Variants in TRPM3 observed in about 807,000 individuals in gnomAD.
TRPM3 encodes the protein transient receptor potential cation channel subfamily M member 3.
In TRPM3, 77 loss-of-function variants were observed where a neutral mutation model predicts 181.2. The observed-to-expected ratio is 0.42, with a 90% CI of 0.35 to 0.51. The LOEUF is 0.51. Among genes scored for constraint, TRPM3 ranks in the 20% least tolerant of loss-of-function variants. The pLI, the probability that TRPM3 is intolerant of heterozygous loss-of-function variation, is 0.01. For missense variants in TRPM3, 1,759 were observed against 2,196.7 expected, an observed-to-expected ratio of 0.80 and a Z score of 3.98; for synonymous variants, 745 against 796.4, an observed-to-expected ratio of 0.94 and a Z score of 1.09.
At chr9:70,549,726 G>C (rs2046000661) in intron 24 of TRPM3, 52 bp from the exon 25 acceptor site, 1 of 1,545,166 alleles carries the variant, frequency 6.5e-7, no homozygotes, top group South Asian at 1.2e-5. Context: ...AAAAGCGATG[G>C]CATCTGATTT....
At position 70,618,867 on chromosome 9, in the gene TRPM3, C is replaced by T; in HGVS notation, c.2358G>A (p.Lys786=). The stretch of plus-strand genomic sequence containing the variant: ...GGAGGGCCTTATTGGGCGCCCTGAC[C>T]TTGAGGCCTGAGTTCTTGCGCATGC... ...RLRMRKNSGL[K]VILGILLPPS... The change falls in exon 17 of 26, where the codon AAG becomes AAA. Residue 786 remains lysine, a splice_region_variant and synonymous_variant. Transcript: ENST00000677713. 1 of 1,604,480 alleles carries T rather than the reference C, an allele frequency of 6.2e-7. No individual in the cohort carries two copies. The highest frequency in any genetic ancestry group is 1.7e-4 in the Middle Eastern group (1 of 6,058).
chr9:70,968,554 G>A (rs1045125631), intron 1 of TRPM3, among the ~76,000 whole-genome samples: 1 of 152,120 alleles, frequency 6.6e-6, no homozygotes, highest in Non-Finnish European at 1.5e-5. Context: ...TATTGCTCCA[G>A]ATCACTCTGA....
chr9:71,192,260 AAG>A (rs1389416302), intron 1 of TRPM3, among the ~76,000 whole-genome samples: 1 of 151,862 alleles, frequency 6.6e-6, no homozygotes, highest in Non-Finnish European at 1.5e-5. Context: ...TAAGCCTGAG[AAG>A]AGAGTTTGAA....
At chr9:71,169,776 G>A (rs561486561) in intron 1 of TRPM3, among the ~76,000 whole-genome samples, 17 of 151,988 alleles carry the variant, frequency 1.1e-4, no homozygotes, top group African/African-American at 2.4e-4. Flanking sequence ...CCAACATGGC[G>A]AAACCCCTTC....
chr9:70,671,037 T>C (rs2062816435), intron 9 of TRPM3, among the ~76,000 whole-genome samples: 1 of 152,174 alleles, frequency 6.6e-6, no homozygotes, highest in African/African-American at 2.4e-5. Context: ...CCAGGCACTG[T>C]GTATATGAGT....
intron 7 of TRPM3, among the ~76,000 whole-genome samples, chr9:70,764,795 A>C (rs11142572): frequency 0.053 from 8,046 of 152,218 alleles, 697 homozygotes; most frequent in African/African-American, 0.18. Flanking sequence ...TTTCTGATTC[A>C]GTTCTTTTTC....
intron 1 of TRPM3, among the ~76,000 whole-genome samples, chr9:70,916,560 T>C (rs943782642): frequency 6.6e-6 from 1 of 152,116 alleles, no homozygotes; most frequent in East Asian, 1.9e-4. Context: ...CCATTTTTAT[T>C]TACTCACTCA....
chr9:71,040,273 T>C (rs1397124800), intron 1 of TRPM3, among the ~76,000 whole-genome samples: 1 of 152,188 alleles, frequency 6.6e-6, no homozygotes, highest in Non-Finnish European at 1.5e-5. Context: ...GCAAAGCACA[T>C]ACTATTTCTC....
intron 1 of TRPM3, among the ~76,000 whole-genome samples, chr9:71,263,630 TAGAGA>T (rs1479053932): frequency 2.0e-5 from 3 of 152,154 alleles, no homozygotes; most frequent in East Asian, 1.9e-4. Flanking sequence ...TGGTTCTGCA[TAGAGA>T]AGAGAAGTAA....
At chr9:70,596,195 C>CTACTT (rs1234228380) in intron 21 of TRPM3, among the ~76,000 whole-genome samples, 1 of 152,150 alleles carries the variant, frequency 6.6e-6, no homozygotes, top group African/African-American at 2.4e-5. Flanking sequence ...TTATACATCA[C>CTACTT]TACTTTAGAA....
chr9:70,601,713 G>A (rs2060002416), intron 20 of TRPM3, among the ~76,000 whole-genome samples: 1 of 152,190 alleles, frequency 6.6e-6, no homozygotes, highest in African/African-American at 2.4e-5. Context: ...CAGGAGAAAT[G>A]GATATCCAGG....
At chr9:71,052,059 T>C (rs2060126528) in intron 1 of TRPM3, among the ~76,000 whole-genome samples, 1 of 152,046 alleles carries the variant, frequency 6.6e-6, no homozygotes, top group South Asian at 2.1e-4. Context: ...TTCAGGTGAG[T>C]TAATGAAACT....
chr9:70,866,067 C>A (rs987337630), intron 1 of TRPM3, among the ~76,000 whole-genome samples: 1 of 152,030 alleles, frequency 6.6e-6, no homozygotes, highest in Non-Finnish European at 1.5e-5. Flanking sequence ...ATGAGCTTAG[C>A]AGCGTAGACA....
At chr9:70,581,206 G>A (rs933761338) in intron 22 of TRPM3, among the ~76,000 whole-genome samples, 9 of 152,124 alleles carry the variant, frequency 5.9e-5, no homozygotes, top group Non-Finnish European at 1.0e-4. Context: ...CTCACCAGTG[G>A]GTGTCATCTC....
At chr9:70,906,592 G>A (rs2096467142) in intron 1 of TRPM3, among the ~76,000 whole-genome samples, 1 of 151,484 alleles carries the variant, frequency 6.6e-6, no homozygotes, top group African/African-American at 2.4e-5. Flanking sequence ...TAGTTAAAGT[G>A]AATAAAAATG....
chr9:70,619,211 A>T, intron 16 of TRPM3, 116 bp from the exon 17 acceptor site: 1 of 786,640 alleles, frequency 1.3e-6, no homozygotes, highest in Non-Finnish European at 2.1e-6. Context: ...GGTGTTTCAT[A>T]TGGGGTCTAG....
At chr9:71,415,166 A>C (rs1478870353) in intron 1 of TRPM3, among the ~76,000 whole-genome samples, 1 of 152,070 alleles carries the variant, frequency 6.6e-6, no homozygotes, top group Non-Finnish European at 1.5e-5. Context: ...GCTACAAGCC[A>C]AAGAATGCTG....
intron 1 of TRPM3, among the ~76,000 whole-genome samples, chr9:71,100,753 G>T (rs974730023): frequency 2.6e-5 from 4 of 152,048 alleles, no homozygotes; most frequent in Admixed American, 2.6e-4. Flanking sequence ...CTTATTCAAC[G>T]AATATTTATA....
At chr9:70,635,938 G>A (rs1015263489) in intron 11 of TRPM3, among the ~76,000 whole-genome samples, 11 of 152,162 alleles carry the variant, frequency 7.2e-5, no homozygotes, top group African/African-American at 2.7e-4. Flanking sequence ...ATGAGGGTGG[G>A]AGAACAAAAG....
Sources: gnomAD v4.1 joint callset for allele counts (sites outside exome capture counted in the v4.1 genomes callset) on GRCh38, gnomAD v4.1.1 for gene constraint, MANE v1.5 for transcripts, NCBI Gene and HGNC (gene_info 2026-07-23, HGNC 2026-07-21) for gene names.